UBR4: variants seen among roughly 807,000 people sequenced by gnomAD.
UBR4 encodes ubiquitin protein ligase E3 component n-recognin 4.
In UBR4, 124 loss-of-function variants were observed where a neutral mutation model predicts 575.6. The observed-to-expected ratio is 0.22, with a 90% CI of 0.19 to 0.25. The LOEUF is 0.25. UBR4 is among the 10% of genes least tolerant of loss of function. The pLI, the probability that UBR4 is intolerant of heterozygous loss-of-function variation, is 1.00. For synonymous variants in UBR4, 2,455 were observed against 2,473.7 expected (o/e 0.99, Z 0.22); for missense variants, 4,818 against 6,478.8 (o/e 0.74, Z 8.80).
chr1:19,081,800 G>GCC (rs67232976), intron 102 of UBR4: 1 of 706,286 alleles, frequency 1.4e-6, no homozygotes, highest in Non-Finnish European at 2.6e-6. Context: ...TTCTTCCCTG[G>GCC]CCCCATGTCT....
At chr1:19,160,584 G>T (rs1046313933) in intron 38 of UBR4, among the ~76,000 whole-genome samples, 1 of 152,046 alleles carries the variant, frequency 6.6e-6, no homozygotes, top group African/African-American at 2.4e-5. Flanking sequence ...GAATGGTTTG[G>T]GTTTTGTACC....
rs1315079924 is a variant in UBR4 at position 19,153,347 on chromosome 1, G to C, written c.6786C>G (p.Val2262=). 6.2e-7 allele frequency: 1 copy of C among 1,614,162 alleles called. No individual in the cohort carries two copies. The highest frequency in any genetic ancestry group is 2.2e-5 in the East Asian group (1 of 44,880). ...TTCGAACAGGCTTCATGATGCTGAT[G>C]ACACTGCTGGGCTGCAGGGATGGCT... ...WLQPSLQPSS[V]ISIMKPVRKR... is the part of the protein sequence containing the mutation. Residue 2262 remains valine (V), a synonymous_variant, in exon 46 of 106, where the codon GTC becomes GTG. Coordinates refer to ENST00000375254, the MANE Select transcript of UBR4 (RefSeq NM_020765.3). The surrounding 1 kb of genome is among the most constrained non-coding windows in gnomAD (Gnocchi z 4.1).
intron 49 of UBR4, among the ~76,000 whole-genome samples, chr1:19,149,597 C>T (rs2085363681): frequency 6.6e-6 from 1 of 152,116 alleles, no homozygotes; most frequent in African/African-American, 2.4e-5. Flanking sequence ...CTTCCATATA[C>T]TCCATTTTTA....
rs1346653609 is a variant in UBR4 at position 19,123,000 on chromosome 1, T to G, written c.9649A>C (p.Ile3217Leu). The change falls in exon 66 of 106, where the codon ATC becomes CTC. Residue 3217 changes from isoleucine to leucine, a missense_variant. Physicochemically the swap from Ile to Leu is conservative, Grantham distance 5 (BLOSUM62 2). Coordinates refer to ENST00000375254, the MANE Select transcript of UBR4 (RefSeq NM_020765.3). ...RRQVRKLLLF[I>L]CGSKEKYRQL... ...CGGTACTTCTCTTTGGATCCACAGATGAAGAGCAGAAGTTTGCGGACTTGA... is the reference window on the plus strand; with the variant it reads ...CGGTACTTCTCTTTGGATCCACAGAGGAAGAGCAGAAGTTTGCGGACTTGA... 6.2e-7 allele frequency: 1 copy of G among 1,614,024 alleles called. No homozygotes were observed. Among genetic ancestry groups the G allele is most frequent in the Non-Finnish European group, 8.5e-7 (1 of 1,180,030 alleles).
intron 26 of UBR4, among the ~76,000 whole-genome samples, chr1:19,170,185 T>A (rs2089285198): frequency 6.6e-6 from 1 of 152,144 alleles, no homozygotes; most frequent in African/African-American, 2.4e-5. Context: ...CTGTCCCCTA[T>A]AAATGAAAAG....
At chr1:19,189,864 C>T (rs548660515) in intron 11 of UBR4, among the ~76,000 whole-genome samples, 10 of 152,154 alleles carry the variant, frequency 6.6e-5, no homozygotes, top group African/African-American at 2.4e-4. Flanking sequence ...CTCCTTACTT[C>T]GCCTAGTATC....
In UBR4 at chr1:19,086,137, A is replaced by G. The variant is rs556612178; in HGVS notation, c.14813+8T>C. 3.8e-5 allele frequency: 62 copies of G among 1,613,640 alleles called. 1 individual carries two copies. The Middle Eastern group carries it at 9.9e-4, about 26-fold the overall frequency. ...TCCATTCCACCATGAAAAATACTCA[A>G]CACTCACCTTGCCAAGCAAGTGGCA... is the stretch of plus-strand genomic sequence containing the variant. On this transcript the variant is annotated splice_region_variant and intron_variant, in intron 101 of 105. Coordinates refer to ENST00000375254, the MANE Select transcript of UBR4 (RefSeq NM_020765.3).
At position 19,112,844 on chromosome 1, in the gene UBR4, C is replaced by G. The variant is rs773660052; in HGVS notation, c.11481G>C (p.Glu3827Asp). Residue 3827 changes from glutamate to aspartate, a missense_variant, in exon 78 of 106, where the codon GAG (glutamate) becomes GAC (aspartate). This residue lies in a region of UBR4 where 333 missense variants were observed against 459.2 expected (regional missense o/e 0.73). Transcript: ENST00000375254. ...TCTGCTGTAGGTCATATTCCAACAACTCTTTGCGCGAAGCAAAGACTTTCT... is the reference window on the plus strand; with the variant it reads ...TCTGCTGTAGGTCATATTCCAACAAGTCTTTGCGCGAAGCAAAGACTTTCT... ...IIQKVFASRK[E>D]LLEYDLQQRE... 9 of 1,589,714 alleles carry G rather than the reference C, an allele frequency of 5.7e-6. No homozygotes were observed. The highest frequency in any genetic ancestry group is 7.7e-6 in the Non-Finnish European group (9 of 1,164,240).
chr1:19,176,473 C>A, intron 20 of UBR4, 119 bp downstream of exon 20: 3 of 1,192,232 alleles, frequency 2.5e-6, no homozygotes, highest in South Asian at 3.1e-5. Context: ...GATTTGCCAC[C>A]CATAGGGATT....
rs948765026 is a variant in UBR4 at position 19,144,170 on chromosome 1, G to A, written c.8068-79C>T. ...CTCTATAAAACACTTTCCTTTCTTG[G>A]TCACTCACTCACATGCAAGTGGAAT... On this transcript the variant is annotated intron_variant, in intron 54 of 105. Transcript: ENST00000375254. 3.0e-6 allele frequency: 4 copies of A among 1,325,686 alleles called. No individual in the cohort carries two copies. The Admixed American group carries it at 7.0e-5, about 23-fold the overall frequency. 82.1% of individuals were successfully genotyped at this position (1,325,686 alleles called of 1,614,324 possible). A position where few individuals can be genotyped will look rare whatever the true frequency, so the allele number is the denominator to read the frequency against.
At chr1:19,199,583 A>C in intron 3 of UBR4, 68 bp downstream of exon 3, 1 of 1,431,158 alleles carries the variant, frequency 7.0e-7, no homozygotes, top group South Asian at 1.2e-5. Context: ...ACTGACCTCT[A>C]CTCTATTCCA....
chr1:19,177,154 C>G (rs2090350888), intron 19 of UBR4, among the ~76,000 whole-genome samples: 1 of 152,206 alleles, frequency 6.6e-6, no homozygotes, highest in African/African-American at 2.4e-5. Context: ...AACAAATACT[C>G]ATCAAGGGCC....
At chr1:19,114,234 T>C (rs975478011) in intron 75 of UBR4, among the ~76,000 whole-genome samples, 164 bp from the exon 76 acceptor site, 2 of 152,222 alleles carry the variant, frequency 1.3e-5, no homozygotes, top group Admixed American at 6.5e-5. Context: ...GAGGTGGGTA[T>C]ATTATTTCTA....
At chr1:19,095,248 T>C (rs940859599) in intron 93 of UBR4, among the ~76,000 whole-genome samples, 2 of 152,200 alleles carry the variant, frequency 1.3e-5, no homozygotes, top group Non-Finnish European at 2.9e-5. Flanking sequence ...GGGCACTTCT[T>C]TCCCACTGGT....
At chr1:19,133,655 G>A (rs1370845686) in intron 60 of UBR4, among the ~76,000 whole-genome samples, 1 of 152,164 alleles carries the variant, frequency 6.6e-6, no homozygotes, top group East Asian at 1.9e-4. Flanking sequence ...TCTATCATTA[G>A]AATAAATAAA....
chr1:19,138,151 G>A lies in UBR4; in HGVS notation c.8762C>T (p.Ala2921Val). Residue 2921 changes from alanine to valine, a missense_variant, in exon 60 of 106, where the codon GCT (alanine) becomes GTT (valine). Coordinates refer to ENST00000375254, the MANE Select transcript of UBR4 (RefSeq NM_020765.3). The part of the protein sequence containing the change: ...VSGRSSAYGD[A>V]TAEGHPAGPG... ...TCCAGCCGGATGCCCCTCAGCTGTA[G>A]CATCGCCATAAGCACTGCTCCGGCC... The A allele has an allele frequency of 6.3e-7, 1 of 1,581,438 alleles. No individual in the cohort carries two copies. The highest frequency in any genetic ancestry group is 8.6e-7 in the Non-Finnish European group (1 of 1,160,450).
At chr1:19,086,861 C>A (rs920795403) in intron 99 of UBR4, 40 bp from the exon 100 acceptor site, 2 of 1,608,498 alleles carry the variant, frequency 1.2e-6, no homozygotes, top group Admixed American at 1.7e-5. Context: ...AGGAGAAACT[C>A]CAAGTCAGGC....
intron 49 of UBR4, among the ~76,000 whole-genome samples, chr1:19,149,606 T>C (rs1227156484): frequency 1.3e-5 from 2 of 152,126 alleles, no homozygotes; most frequent in African/African-American, 4.8e-5. Context: ...ACTCCATTTT[T>C]ACACATGGAC....
intron 50 of UBR4, 136 bp downstream of exon 50, chr1:19,148,427 T>C: frequency 8.4e-7 from 1 of 1,194,066 alleles, no homozygotes; most frequent in South Asian, 1.4e-5. Context: ...GCTGAAGACT[T>C]CTCTGGAGCT....
Sources: allele counts gnomAD v4.1 joint callset (sites outside exome capture counted in the v4.1 genomes callset), GRCh38; gene constraint gnomAD v4.1.1; regional missense constraint gnomAD v4.1.1; non-coding constraint Gnocchi (gnomAD v3.1); transcripts MANE v1.5; gene names NCBI Gene and HGNC (gene_info 2026-07-23, HGNC 2026-07-21).